ARHGAP32: variants seen among roughly 807,000 people sequenced by gnomAD.
The protein encoded by ARHGAP32 is Rho GTPase activating protein 32.
A neutral mutation model predicts 186.5 loss-of-function variants in ARHGAP32; 51 were observed. That is an observed-to-expected ratio of 0.27 (90% confidence interval 0.22 to 0.35). ARHGAP32 has a LOEUF of 0.35. ARHGAP32 is among the 10% of genes least tolerant of loss of function. The pLI is 1.00. For missense variants in ARHGAP32, 2,186 were observed against 2,623.5 expected (o/e 0.83, Z 3.64); for synonymous variants, 950 against 964.3 (o/e 0.99, Z 0.27).
intron 1 of ARHGAP32, among the ~76,000 whole-genome samples, chr11:129,227,304 A>G (rs1333925388): frequency 6.6e-6 from 1 of 152,034 alleles, no homozygotes; most frequent in African/African-American, 2.4e-5. Context: ...AAAATTATGC[A>G]CTGGAAAATA....
intron 12 of ARHGAP32, among the ~76,000 whole-genome samples, chr11:128,994,345 G>A (rs1344937040): frequency 2.6e-5 from 4 of 151,722 alleles, no homozygotes; most frequent in African/African-American, 9.7e-5. Flanking sequence ...AGTAGAGACA[G>A]GGTTTCACCA....
At chr11:128,980,867 T>C in intron 17 of ARHGAP32, 119 bp from the exon 18 acceptor site, 2 of 739,518 alleles carry the variant, frequency 2.7e-6, no homozygotes, top group Middle Eastern at 3.3e-4. Context: ...TCAAGTATGT[T>C]AAATAGCAAA....
intron 6 of ARHGAP32, among the ~76,000 whole-genome samples, chr11:129,081,898 T>A (rs1941232490): frequency 6.6e-6 from 1 of 152,000 alleles, no homozygotes. Flanking sequence ...GTGAATTTAG[T>A]AAAGTTTCAG....
rs1031701045 is a variant in ARHGAP32, at chr11:129,172,024, T to C, written c.117-7597A>G. On this transcript the variant is annotated intron_variant, in intron 1 of 22. Transcript: ENST00000682385. ...GGGATTTTTACACATTGATTTTGTA[T>C]CCTGAGACTGCTGAAGCTGCTTATC... is the stretch of plus-strand genomic sequence containing the variant. Among the ~76,000 whole-genome samples the C allele has an allele frequency of 3.9e-5, 6 of 152,326 alleles. No individual in the cohort carries two copies. In the East Asian group the frequency reaches 1.2e-3, roughly 29 times the overall value.
chr11:129,121,178 G>GC (rs1942519568), intron 5 of ARHGAP32, among the ~76,000 whole-genome samples: 1 of 148,472 alleles, frequency 6.7e-6, no homozygotes, highest in African/African-American at 2.5e-5. Context: ...TAATATGATT[G>GC]TTTTTTTTTT....
chr11:129,242,859 G>A (rs1292850062), intron 1 of ARHGAP32, among the ~76,000 whole-genome samples: 1 of 151,756 alleles, frequency 6.6e-6, no homozygotes, highest in Non-Finnish European at 1.5e-5. Context: ...ATATGAAATT[G>A]TAATAAAGTG....
intron 5 of ARHGAP32, among the ~76,000 whole-genome samples, chr11:129,117,833 T>C (rs1455433184): frequency 6.6e-6 from 1 of 151,778 alleles, no homozygotes; most frequent in Non-Finnish European, 1.5e-5. Flanking sequence ...CTCAAACTCA[T>C]CATTTCTTTG....
chr11:129,174,900 G>A (rs1359148490), intron 1 of ARHGAP32, among the ~76,000 whole-genome samples: 1 of 147,468 alleles, frequency 6.8e-6, no homozygotes, highest in East Asian at 2.0e-4. Context: ...CTCCTCCAAA[G>A]GAACGCAGTT....
Position 129,140,649 on chromosome 11 carries a change from T to A in ARHGAP32, c.226-15755A>T, listed in dbSNP as rs184524320. 3.9e-5 allele frequency among the ~76,000 whole-genome samples: 6 copies of A among 152,214 alleles called. No individual in the cohort carries two copies. The East Asian group carries it at 1.2e-3, about 29-fold the overall frequency. On this transcript the variant is annotated intron_variant, in intron 2 of 22. Transcript: ENST00000682385. ...ACTTCAGTACCATCCCAAACCACCT[T>A]CTTAAGGCTTCCTCAAAGGAGTAAG...
At chr11:129,158,396 C>CAAAAAAAAAAAAAAA (rs145817087) in intron 2 of ARHGAP32, among the ~76,000 whole-genome samples, 1 of 66,212 alleles carries the variant, frequency 1.5e-5, no homozygotes, top group African/African-American at 5.7e-5. Context: ...AAATGGAAGG[C>CAAAAAAAAAAAAAAA]AAAAAAAAAA....
At chr11:129,193,561 T>TAA, upstream of ARHGAP32, among the ~76,000 whole-genome samples, 1 of 13,396 alleles carries the variant, frequency 7.5e-5, no homozygotes, top group African/African-American at 5.6e-4. Context: ...TATATATATA[T>TAA]TATATATAAT....
intron 1 of ARHGAP32, among the ~76,000 whole-genome samples, chr11:129,173,698 T>A (rs1943825531): frequency 6.6e-6 from 1 of 152,194 alleles, no homozygotes; most frequent in Admixed American, 6.5e-5. Flanking sequence ...CCATCACATA[T>A]GATTTCAATA....
At chr11:129,094,210 A>G (rs1941665083) in intron 5 of ARHGAP32, among the ~76,000 whole-genome samples, 3 of 152,156 alleles carry the variant, frequency 2.0e-5, no homozygotes, top group African/African-American at 7.2e-5. Flanking sequence ...GTACAGTTTA[A>G]AATGACTAAA....
Position 129,192,225 on chromosome 11 carries a change from A to G in ARHGAP32, c.-27T>C. 6.6e-7 allele frequency: 1 copy of G among 1,526,068 alleles called. No individual in the cohort carries two copies. The highest frequency in any genetic ancestry group is 1.4e-5 in the African/African-American group (1 of 73,108). 94.5% of individuals were successfully genotyped at this position (1,526,068 alleles called of 1,614,324 possible). A position where few individuals can be genotyped will look rare whatever the true frequency, so the allele number is the denominator to read the frequency against. ...TTGTACTTAAAAAACAAAAAAAACT[A>G]AACCTCCAGGCATGGAATAAAAAGC... On this transcript the variant is annotated 5_prime_UTR_variant, in exon 1 of 23. An upstream open reading frame in the 5' UTR loses its in-frame stop. Transcript: ENST00000682385.
At position 128,981,582 on chromosome 11, in the gene ARHGAP32, T is replaced by G. The variant is rs1217711241; in HGVS notation, c.1635-21A>C. Reference sequence around the variant, plus strand: ...TTGATCTGTGAGGTAAACATTTTCATCACAGAGTTGTAAAGATAGCAGTCG... The same window carrying G: ...TTGATCTGTGAGGTAAACATTTTCAGCACAGAGTTGTAAAGATAGCAGTCG... On this transcript the variant is annotated intron_variant, in intron 16 of 22. Transcript: ENST00000682385. 3.8e-6 allele frequency: 6 copies of G among 1,599,446 alleles called. No individual in the cohort carries two copies. The South Asian group carries it at 6.7e-5, about 18-fold the overall frequency.
chr11:129,145,078 G>C (rs768659970), intron 2 of ARHGAP32, among the ~76,000 whole-genome samples: 33 of 152,064 alleles, frequency 2.2e-4, no homozygotes, highest in Non-Finnish European at 3.8e-4. Context: ...TATCATTAAA[G>C]ATACTCCTAA....
At position 128,973,209 on chromosome 11, in the gene ARHGAP32, G is replaced by A. The variant is rs773067339; in HGVS notation, c.3297C>T (p.Ser1099=). 30 of 1,614,060 alleles carry A rather than the reference G, an allele frequency of 1.9e-5. No individual in the cohort carries two copies. The highest frequency in any genetic ancestry group is 1.3e-5 in the African/African-American group (1 of 74,924). Residue 1099 remains serine, a synonymous_variant, in exon 22 of 23, where the codon TCC becomes TCT. Transcript: ENST00000682385. ...CTAGAGCAACTGCAGAGTAAGAACTGGACAGATTATCTTCAGTTGTAGCCA... is the reference window on the plus strand; with the variant it reads ...CTAGAGCAACTGCAGAGTAAGAACTAGACAGATTATCTTCAGTTGTAGCCA... ...IAVATTEDNL[S]SSYSAVALDK...
chr11:129,128,301 A>C (rs967338477), intron 2 of ARHGAP32, among the ~76,000 whole-genome samples: 2 of 152,186 alleles, frequency 1.3e-5, no homozygotes, highest in Non-Finnish European at 2.9e-5. Context: ...TTTTCCATTC[A>C]TCAAGAGGAT....
At chr11:129,276,998 A>C (rs1404044668) in intron 1 of ARHGAP32, among the ~76,000 whole-genome samples, 1 of 152,230 alleles carries the variant, frequency 6.6e-6, no homozygotes, top group African/African-American at 2.4e-5. Context: ...AATTCTCAAG[A>C]ATATTAGTCT....
Sources: gnomAD v4.1 joint callset for allele counts (sites outside exome capture counted in the v4.1 genomes callset) on GRCh38, gnomAD v4.1.1 for gene constraint, MANE v1.5 for transcripts, NCBI Gene and HGNC (gene_info 2026-07-23, HGNC 2026-07-21) for gene names.